TSPEAR: variants seen among roughly 807,000 people sequenced by gnomAD.
TSPEAR encodes the protein thrombospondin-type laminin G domain and EAR repeat-containing protein.
Under a neutral mutation model 71.6 loss-of-function variants are expected in TSPEAR, and 69 were observed. That is an observed-to-expected ratio of 0.96 (90% CI 0.79 to 1.18). TSPEAR has a LOEUF of 1.18. Among genes scored for constraint, TSPEAR ranks in the 50% most tolerant of loss-of-function variants. The pLI is 0.00. For missense variants in TSPEAR, 971 were observed against 894.9 expected (o/e 1.09, Z -1.09); for synonymous variants, 402 against 387.2 (o/e 1.04, Z -0.45).
chr21:44,503,625 C>T (rs1442790831), intron 11 of TSPEAR, among the ~76,000 whole-genome samples: 10 of 131,140 alleles, frequency 7.6e-5, no homozygotes, highest in African/African-American at 1.8e-4. Context: ...GGGAGGAGGC[C>T]GGCCTTGGTG....
At chr21:44,539,770 G>T (rs1555916914) in intron 2 of TSPEAR, 1 of 1,612,742 alleles carries the variant, frequency 6.2e-7, no homozygotes. Context: ...AAGTTGGCTG[G>T]CAGCTAGACT....
intron 1 of TSPEAR, chr21:44,592,565 G>A (rs1980057083): frequency 1.3e-6 from 2 of 1,537,758 alleles, no homozygotes; most frequent in South Asian, 1.3e-5. Flanking sequence ...ACCTGGCCTT[G>A]TTGTCCCCGG....
At chr21:44,708,043 AC>A (rs1430789810) in intron 1 of TSPEAR, among the ~76,000 whole-genome samples, 3 of 112,314 alleles carry the variant, frequency 2.7e-5, no homozygotes, top group East Asian at 5.8e-4. Flanking sequence ...ACACACACAC[AC>A]ACCACACAGC....
intron 11 of TSPEAR, 151 bp from the exon 12 acceptor site, chr21:44,500,087 G>C: frequency 1.3e-6 from 1 of 758,628 alleles, no homozygotes; most frequent in Middle Eastern, 3.8e-4. Context: ...TGGGGAGATC[G>C]ATTCTGGGCC....
At chr21:44,657,301 G>A (rs1555942721) in intron 1 of TSPEAR, among the ~76,000 whole-genome samples, 2 of 152,154 alleles carry the variant, frequency 1.3e-5, no homozygotes, top group Non-Finnish European at 2.9e-5. Context: ...ATATATATTT[G>A]TTGCATTAAC....
chr21:44,611,983 A>G, intron 1 of TSPEAR: 1 of 1,038,694 alleles, frequency 9.6e-7, no homozygotes, highest in Non-Finnish European at 1.4e-6. Context: ...AGGAAAGGGA[A>G]GGCTTGTGAG....
At chr21:44,550,835 C>G (rs233238) in intron 2 of TSPEAR, 1 of 1,610,120 alleles carries the variant, frequency 6.2e-7, no homozygotes, top group Non-Finnish European at 8.5e-7. Context: ...GCTGGCAGCA[C>G]GGAGAGGAAG....
chr21:44,645,949 C>T (rs1348184922), intron 1 of TSPEAR, among the ~76,000 whole-genome samples: 1 of 150,990 alleles, frequency 6.6e-6, no homozygotes, highest in South Asian at 2.1e-4. Flanking sequence ...ACCAGCCTGG[C>T]CAAGATGGTG....
intron 1 of TSPEAR, chr21:44,637,525 C>T (rs1230018148): frequency 2.5e-6 from 4 of 1,613,456 alleles, no homozygotes; most frequent in East Asian, 2.2e-5. Context: ...CCCCAGCCCC[C>T]AGCTTGACCC....
At position 44,593,608 on chromosome 21, in the gene TSPEAR, T is replaced by G. The variant is rs1980150146; in HGVS notation, c.83-25603A>C. On this transcript the variant is annotated intron_variant, in intron 1 of 11. Transcript: ENST00000323084. The surrounding 1 kb of genome is among the most constrained non-coding windows in gnomAD (Gnocchi z 5.9). ...GACACGCCTCGTTACACCCCCTCCC[T>G]TTAGGGTTTCGACACAACCACTACC... 6.6e-6 allele frequency among the ~76,000 whole-genome samples: 1 copy of G among 152,010 alleles called. No homozygotes were observed. Among genetic ancestry groups the G allele is most frequent in the African/African-American group, 2.4e-5 (1 of 41,366 alleles).
chr21:44,600,629 C>T (rs372326787), intron 1 of TSPEAR: 7 of 1,612,672 alleles, frequency 4.3e-6, no homozygotes, highest in Admixed American at 1.7e-5. Context: ...AGCATGGCTG[C>T]GTCCACTATG....
chr21:44,503,193 GC>G (rs1389850771), intron 11 of TSPEAR, among the ~76,000 whole-genome samples: 1 of 133,696 alleles, frequency 7.5e-6, no homozygotes, highest in Non-Finnish European at 1.6e-5. Context: ...GCCTTGGTGA[GC>G]CCACAGGGGG....
intron 2 of TSPEAR, among the ~76,000 whole-genome samples, chr21:44,565,729 T>G (rs984163482): frequency 2.0e-5 from 3 of 152,178 alleles, no homozygotes; most frequent in African/African-American, 7.2e-5. Context: ...GTTAAGGGCA[T>G]CTATGAAGAA....
At chr21:44,587,247 G>A (rs374251895) in intron 1 of TSPEAR, among the ~76,000 whole-genome samples, 18 of 152,230 alleles carry the variant, frequency 1.2e-4, no homozygotes, top group African/African-American at 3.6e-4. Context: ...CACCAACAGC[G>A]ACTAAGCTGA....
At chr21:44,634,966 G>A (rs1256248870) in intron 1 of TSPEAR, among the ~76,000 whole-genome samples, 3 of 152,162 alleles carry the variant, frequency 2.0e-5, no homozygotes, top group African/African-American at 4.8e-5. Context: ...TGTAAACATG[G>A]AATTCCATAC....
chr21:44,685,519 G>T (rs1394150180), intron 1 of TSPEAR, among the ~76,000 whole-genome samples: 1 of 152,030 alleles, frequency 6.6e-6, no homozygotes, highest in Non-Finnish European at 1.5e-5. Flanking sequence ...TCTGTGATGG[G>T]TCCTCCTGGG....
intron 1 of TSPEAR, among the ~76,000 whole-genome samples, chr21:44,665,431 C>G (rs782748247): frequency 5.3e-5 from 8 of 152,328 alleles, no homozygotes; most frequent in Middle Eastern, 3.4e-3. Flanking sequence ...ACAGCCCAGA[C>G]AGGGGAAATG....
chr21:44,701,587 G>A (rs1408932900), intron 1 of TSPEAR, among the ~76,000 whole-genome samples: 1 of 152,310 alleles, frequency 6.6e-6, no homozygotes, highest in South Asian at 2.1e-4. Flanking sequence ...TGGGAGACAG[G>A]GGCAGACCAT....
chr21:44,627,400 C>T, intron 1 of TSPEAR: 1 of 1,614,058 alleles, frequency 6.2e-7, no homozygotes, highest in Non-Finnish European at 8.5e-7. Context: ...CTCCTGCACG[C>T]CCTCGTGCTG....
Sources: allele counts gnomAD v4.1 joint callset (sites outside exome capture counted in the v4.1 genomes callset), GRCh38; gene constraint gnomAD v4.1.1; non-coding constraint Gnocchi (gnomAD v3.1); transcripts MANE v1.5; gene names NCBI Gene and HGNC (gene_info 2026-07-23, HGNC 2026-07-21).